IQCK: variants seen among roughly 807,000 people sequenced by gnomAD.
The protein encoded by IQCK is IQ motif containing K.
IQCK carries 29 observed loss-of-function variants against 28.1 expected under a neutral mutation model. The observed-to-expected ratio is 1.03, with a 90% confidence interval of 0.77 to 1.41. The LOEUF is 1.41. Ranked by LOEUF, IQCK falls within the 40% of genes most tolerant of loss-of-function variation. IQCK has a pLI of 0.00. For synonymous variants in IQCK, 113 were observed against 115.1 expected (o/e 0.98, Z 0.12); for missense variants, 359 against 314.7 (o/e 1.14, Z -1.07).
Position 19,726,138 on chromosome 16 carries a change from T to A in IQCK, c.182-4292T>A, listed in dbSNP as rs376125173. ...ATCGTGTTAGCCACGATGGTCTCGA[T>A]CTCCTGACCTCGTGATCCGCCCGCC... On this transcript the variant is annotated intron_variant, in intron 1 of 7. Transcript: ENST00000564186. Among the ~76,000 whole-genome samples the A allele has an allele frequency of 8.3e-4, 127 of 152,138 alleles. 3 individuals are homozygous for A. The East Asian group carries it at 0.02, about 24-fold the overall frequency.
chr16:19,741,193 T>G (rs898993683), intron 4 of IQCK, among the ~76,000 whole-genome samples: 2 of 152,066 alleles, frequency 1.3e-5, no homozygotes, highest in Non-Finnish European at 2.9e-5. Context: ...TTTTTTTCAC[T>G]CCTCTGAAAT....
rs1166884576 is a variant in IQCK at position 19,770,606 on chromosome 16, T to C, written c.605+6494T>C. 1.5e-4 allele frequency among the ~76,000 whole-genome samples: 21 copies of C among 143,858 alleles called. No homozygotes were observed. In the East Asian group the frequency reaches 4.6e-3, roughly 32 times the overall value. The allele number at this position is 143,858 out of a possible 152,430, so 94.4% of individuals were successfully genotyped here. On this transcript the variant is annotated intron_variant, in intron 6 of 7. Coordinates refer to ENST00000564186, the Ensembl canonical transcript of IQCK. Reference sequence around the variant, plus strand: ...TCTCTGACCCTCTTTCTTAGTCATATCTCTCTGACTGTTTCTCTTTTGGGG... The same window carrying C: ...TCTCTGACCCTCTTTCTTAGTCATACCTCTCTGACTGTTTCTCTTTTGGGG...
chr16:19,756,279 A>T (rs1280596757), intron 4 of IQCK, among the ~76,000 whole-genome samples: 4 of 152,216 alleles, frequency 2.6e-5, no homozygotes, highest in Non-Finnish European at 4.4e-5. Flanking sequence ...TGAGTCCTAG[A>T]GTAAAGACAG....
At chr16:19,778,195 G>A (rs927971872) in intron 6 of IQCK, among the ~76,000 whole-genome samples, 5 of 152,162 alleles carry the variant, frequency 3.3e-5, no homozygotes, top group African/African-American at 1.2e-4. Context: ...ACTTGAGGAG[G>A]GGGTTGTGGG....
chr16:19,762,728 A>G (rs2151708866), intron 4 of IQCK, among the ~76,000 whole-genome samples: 1 of 152,222 alleles, frequency 6.6e-6, no homozygotes, highest in Non-Finnish European at 1.5e-5. Context: ...TCCACTTATA[A>G]CTTTGGCCGG....
chr16:19,747,331 G>T (rs2054924396), intron 4 of IQCK, among the ~76,000 whole-genome samples: 1 of 152,064 alleles, frequency 6.6e-6, no homozygotes, highest in African/African-American at 2.4e-5. Context: ...ACCCTAGGTT[G>T]TTCATAGGGC....
At chr16:19,853,431 G>A (rs561899501) in intron 9 of IQCK, among the ~76,000 whole-genome samples, 18 of 152,290 alleles carry the variant, frequency 1.2e-4, no homozygotes, top group African/African-American at 3.1e-4. Flanking sequence ...AGGTCAACAC[G>A]TAGGGAGTAG....
At chr16:19,782,376 A>T (rs749504436) in intron 6 of IQCK, among the ~76,000 whole-genome samples, 57 of 151,818 alleles carry the variant, frequency 3.8e-4, no homozygotes, top group Non-Finnish European at 5.4e-4. Flanking sequence ...ACAGAGTGAG[A>T]CTCCATCTCA....
At chr16:19,719,129 A>G (rs1450033738) in intron 1 of IQCK, among the ~76,000 whole-genome samples, 1 of 152,102 alleles carries the variant, frequency 6.6e-6, no homozygotes, top group Non-Finnish European at 1.5e-5. Context: ...TAATAATGGC[A>G]CCTATTTCGA....
chr16:19,809,894 C>T (rs192095093), intron 7 of IQCK, among the ~76,000 whole-genome samples: 52 of 152,206 alleles, frequency 3.4e-4, no homozygotes, highest in African/African-American at 9.1e-4. Flanking sequence ...TCTACGGATC[C>T]GACTTTGAGA....
At chr16:19,765,005 G>A (rs1476686213) in intron 6 of IQCK, among the ~76,000 whole-genome samples, 8 of 142,212 alleles carry the variant, frequency 5.6e-5, no homozygotes, top group East Asian at 2.4e-4. Context: ...GGCGGATCAC[G>A]AGGTCAGGAG....
At chr16:19,823,836 G>A (rs779623233) in intron 7 of IQCK, among the ~76,000 whole-genome samples, 13 of 152,132 alleles carry the variant, frequency 8.5e-5, no homozygotes, top group Non-Finnish European at 1.9e-4. Flanking sequence ...GTGAGGCTGA[G>A]GCAGCAGAAT....
At chr16:19,819,150 TG>T (rs1303708182) in intron 7 of IQCK, among the ~76,000 whole-genome samples, 6 of 152,290 alleles carry the variant, frequency 3.9e-5, no homozygotes. Flanking sequence ...CCACCACTGG[TG>T]GATCTGGACC....
intron 6 of IQCK, among the ~76,000 whole-genome samples, chr16:19,775,576 G>A (rs2055380333): frequency 6.6e-6 from 1 of 152,184 alleles, no homozygotes; most frequent in South Asian, 2.1e-4. Context: ...CTAGGTTGCA[G>A]TTATAAACAA....
At chr16:19,762,915 C>A (rs1478234082) in intron 4 of IQCK, among the ~76,000 whole-genome samples, 1 of 152,034 alleles carries the variant, frequency 6.6e-6, no homozygotes, top group Admixed American at 6.6e-5. Context: ...ACTGGGGAGG[C>A]CGAGGTGGAA....
At chr16:19,810,268 G>A (rs948903919) in intron 7 of IQCK, among the ~76,000 whole-genome samples, 21 of 151,946 alleles carry the variant, frequency 1.4e-4, no homozygotes, top group Non-Finnish European at 2.4e-4. Flanking sequence ...AGGCCGAGGC[G>A]GGCGGATCAC....
intron 6 of IQCK, among the ~76,000 whole-genome samples, chr16:19,785,836 G>A (rs2055555026): frequency 6.6e-6 from 1 of 152,158 alleles, no homozygotes; most frequent in Admixed American, 6.5e-5. Context: ...ACACTGCAGA[G>A]TGTACTTTTG....
intron 9 of IQCK, among the ~76,000 whole-genome samples, chr16:19,834,546 C>T (rs1201072890): frequency 6.6e-6 from 1 of 152,186 alleles, no homozygotes; most frequent in East Asian, 1.9e-4. Context: ...GCTATGCCTC[C>T]CAGCCTGCAC....
At chr16:19,839,653 T>A (rs962287880) in intron 9 of IQCK, among the ~76,000 whole-genome samples, 3 of 152,108 alleles carry the variant, frequency 2.0e-5, no homozygotes, top group Admixed American at 2.0e-4. Context: ...CTGTGTTACA[T>A]AACCTCCTTC....
Sources: allele counts gnomAD v4.1 joint callset (sites outside exome capture counted in the v4.1 genomes callset), GRCh38; gene constraint gnomAD v4.1.1; transcripts MANE v1.5; gene names NCBI Gene and HGNC (gene_info 2026-07-23, HGNC 2026-07-21).